Variants in ANKRD44 observed in about 807,000 individuals in gnomAD.
ANKRD44 encodes the protein ankyrin repeat domain 44.
A neutral mutation model predicts 116.0 loss-of-function variants in ANKRD44; 35 were observed. The ratio of observed to expected loss-of-function variants is 0.30; its 90% CI spans 0.23 to 0.40. The LOEUF is 0.40. Ranked by LOEUF, ANKRD44 falls within the 10% of genes least tolerant of loss-of-function variation. The pLI, the probability that ANKRD44 is intolerant of heterozygous loss-of-function variation, is 1.00. For synonymous variants in ANKRD44, 435 were observed against 461.8 expected (o/e 0.94, Z 0.74); for missense variants, 1,014 against 1,242.6 (o/e 0.82, Z 2.77).
At chr2:196,985,004 CAA>C (rs1253863187), downstream of ANKRD44, among the ~76,000 whole-genome samples, 1 of 152,180 alleles carries the variant, frequency 6.6e-6, no homozygotes, top group Non-Finnish European at 1.5e-5. Context: ...AATTCAGTTG[CAA>C]AAATCTGTGA....
Position 197,019,732 on chromosome 2 carries a change from T to G in ANKRD44, c.1722+5464A>C, listed in dbSNP as rs972082335. On this transcript the variant is annotated intron_variant, in intron 17 of 27. Transcript: ENST00000282272. ...AATAATAGAGGATGGTATAATGAAT[T>G]GCCGTATACCTTTCACGCAGTTTGA... Among the ~76,000 whole-genome samples the G allele has an allele frequency of 7.9e-5, 12 of 152,160 alleles. 1 individual carries two copies. The highest frequency in any genetic ancestry group is 5.9e-4 in the Admixed American group (9 of 15,288).
intron 16 of ANKRD44, among the ~76,000 whole-genome samples, chr2:197,042,266 C>G (rs2076923932): frequency 6.6e-6 from 1 of 152,116 alleles, no homozygotes; most frequent in African/African-American, 2.4e-5. Flanking sequence ...AGCTTGCAGG[C>G]CTGCATTTGG....
intron 6 of ANKRD44, among the ~76,000 whole-genome samples, chr2:197,124,529 T>A (rs1020349094): frequency 1.6e-4 from 25 of 152,366 alleles, no homozygotes; most frequent in Middle Eastern, 3.4e-3. Context: ...TCATTTAACA[T>A]ATCACAGACT....
intron 21 of ANKRD44, among the ~76,000 whole-genome samples, chr2:196,975,552 G>A (rs907061783): frequency 6.6e-6 from 1 of 151,750 alleles, no homozygotes; most frequent in East Asian, 1.9e-4. Context: ...GGGAGGCCGA[G>A]GTAGGTGGAT....
At chr2:197,096,121 T>C (rs2078155069) in intron 10 of ANKRD44, among the ~76,000 whole-genome samples, 1 of 152,170 alleles carries the variant, frequency 6.6e-6, no homozygotes, top group African/African-American at 2.4e-5. Context: ...ACATCTTAGA[T>C]ATTTTTCACA....
chr2:197,090,193 G>A (rs1263241328), intron 10 of ANKRD44, among the ~76,000 whole-genome samples, 161 bp from the exon 11 acceptor site: 1 of 152,002 alleles, frequency 6.6e-6, no homozygotes, highest in Non-Finnish European at 1.5e-5. Flanking sequence ...AAATAATTAT[G>A]CAATCAGTTT....
chr2:197,285,315 G>A (rs541264143), intron 1 of ANKRD44, among the ~76,000 whole-genome samples: 18 of 152,234 alleles, frequency 1.2e-4, no homozygotes, highest in African/African-American at 4.1e-4. Flanking sequence ...CATGTCTGAT[G>A]CTATAAAATG....
At chr2:197,298,694 G>C (rs1174579085) in intron 1 of ANKRD44, among the ~76,000 whole-genome samples, 2 of 152,156 alleles carry the variant, frequency 1.3e-5, no homozygotes, top group Non-Finnish European at 2.9e-5. Flanking sequence ...AAGCCAAGCA[G>C]ATCACTTGAT....
At chr2:197,283,783 G>C (rs1195699183) in intron 1 of ANKRD44, among the ~76,000 whole-genome samples, 1 of 152,076 alleles carries the variant, frequency 6.6e-6, no homozygotes, top group Non-Finnish European at 1.5e-5. Context: ...GCATAAAGAA[G>C]CAATAAATGG....
intron 24 of ANKRD44, 49 bp downstream of exon 24, chr2:196,998,858 T>G (rs1481590781): frequency 1.3e-6 from 2 of 1,595,348 alleles, no homozygotes; most frequent in Admixed American, 1.8e-5. Context: ...TGACATTATT[T>G]TGGTTTTTGC....
rs186298592 is a variant in ANKRD44, at chr2:197,021,522, G to A, written c.1722+3674C>T. ...CTGGTGTGAGATGGTATCTCATTGC[G>A]GTTTTGATTTGCATTTCTCTGATGA... On this transcript the variant is annotated intron_variant, in intron 17 of 27. Coordinates refer to ENST00000282272, the MANE Select transcript of ANKRD44 (RefSeq NM_001195144.2). Among the ~76,000 whole-genome samples the A allele has an allele frequency of 4.5e-3, 678 of 152,288 alleles. 6 individuals are homozygous for A. Among genetic ancestry groups the A allele is most frequent in the African/African-American group, 0.016 (654 of 41,562 alleles).
In ANKRD44 at chr2:197,273,979, AAATATATATATATATATATAT is replaced by A. The variant is rs1559208237; in HGVS notation, c.27+36578_27+36598del. ...CAACCACAAAAAAAAAAAAAAAAAAAAATATATATATATATATATATATATATATATATATATATATATATA... is the reference window on the plus strand; with the variant it reads ...CAACCACAAAAAAAAAAAAAAAAAAAATATATATATATATATATATATATA... On this transcript the variant is annotated intron_variant, in intron 1 of 27. Transcript: ENST00000282272. Among the ~76,000 whole-genome samples the A allele has an allele frequency of 1.2e-4, 6 of 49,996 alleles. 1 individual carries two copies. Among genetic ancestry groups the A allele is most frequent in the Admixed American group, 2.9e-4 (1 of 3,462 alleles). 32.8% of individuals were successfully genotyped at this position (49,996 alleles called of 152,430 possible). A position where few individuals can be genotyped will look rare whatever the true frequency, so the allele number is the denominator to read the frequency against.
intron 1 of ANKRD44, among the ~76,000 whole-genome samples, chr2:197,206,874 A>G (rs2081219674): frequency 6.6e-6 from 1 of 152,248 alleles, no homozygotes; most frequent in Non-Finnish European, 1.5e-5. Context: ...TTGCAAGGCC[A>G]GTACTCTTTA....
intron 8 of ANKRD44, among the ~76,000 whole-genome samples, chr2:197,117,115 A>G (rs1487490955): frequency 6.6e-6 from 1 of 152,202 alleles, no homozygotes; most frequent in Non-Finnish European, 1.5e-5. Flanking sequence ...ATAGATACTA[A>G]AAGTCAAGGC....
chr2:197,241,140 T>C (rs941233749), intron 1 of ANKRD44, among the ~76,000 whole-genome samples: 1 of 152,060 alleles, frequency 6.6e-6, no homozygotes, highest in Non-Finnish European at 1.5e-5. Flanking sequence ...CCTGAAAAAT[T>C]AAAGGGGAAT....
At chr2:197,175,230 C>T (rs1428668204) in intron 2 of ANKRD44, among the ~76,000 whole-genome samples, 1 of 152,130 alleles carries the variant, frequency 6.6e-6, no homozygotes, top group Non-Finnish European at 1.5e-5. Context: ...ATTGGGACTT[C>T]CTGAGAAAAG....
chr2:197,292,072 C>T (rs1361234762), intron 1 of ANKRD44, among the ~76,000 whole-genome samples: 2 of 152,180 alleles, frequency 1.3e-5, no homozygotes, highest in Non-Finnish European at 2.9e-5. Context: ...TCCAGTCTAT[C>T]AGTGATGGAC....
intron 1 of ANKRD44, among the ~76,000 whole-genome samples, chr2:197,309,054 GATGTTCTTTCTTAT>G (rs1331855729): frequency 6.6e-6 from 1 of 152,192 alleles, no homozygotes; most frequent in Non-Finnish European, 1.5e-5. Context: ...ACTTCTATGT[GATGTTCTTTCTTAT>G]ATGTGATAAC....
At chr2:197,223,016 T>C (rs1014585744) in intron 1 of ANKRD44, among the ~76,000 whole-genome samples, 2 of 152,146 alleles carry the variant, frequency 1.3e-5, no homozygotes, top group Admixed American at 6.6e-5. Flanking sequence ...TTTCACCATG[T>C]TGGCCAGGCT....
Sources: allele counts gnomAD v4.1 joint callset (sites outside exome capture counted in the v4.1 genomes callset), GRCh38; gene constraint gnomAD v4.1.1; transcripts MANE v1.5; gene names NCBI Gene and HGNC (gene_info 2026-07-23, HGNC 2026-07-21).